The following PKP4 variants were observed in gnomAD, a reference collection of about 807,000 sequenced individuals.
PKP4 encodes plakophilin 4.
Under a neutral mutation model 145.1 loss-of-function variants are expected in PKP4, and 90 were observed. The ratio of observed to expected loss-of-function variants is 0.62; its 90% confidence interval spans 0.52 to 0.74. The LOEUF (loss-of-function observed/expected upper bound fraction) is 0.74. PKP4 is among the 30% of genes least tolerant of loss of function. PKP4 has a pLI of 0.00. For missense variants in PKP4, 1,340 were observed against 1,482.7 expected (o/e 0.90, Z 1.58); for synonymous variants, 563 against 577.2 (o/e 0.98, Z 0.35).
intron 1 of PKP4, among the ~76,000 whole-genome samples, chr2:158,494,396 A>G (rs1029360080): frequency 5.3e-5 from 8 of 152,218 alleles, no homozygotes; most frequent in Admixed American, 1.3e-4. Flanking sequence ...GTTATTTGCA[A>G]TGATATGAAT....
In PKP4 at chr2:158,666,483, T is replaced by C; in HGVS notation, c.2648T>C (p.Met883Thr). 6.2e-7 allele frequency: 1 copy of C among 1,613,568 alleles called. No individual in the cohort carries two copies. Among genetic ancestry groups the C allele is most frequent in the South Asian group, 1.1e-5 (1 of 90,924 alleles). The change falls in exon 16 of 22, where the codon ATG becomes ACG. Residue 883 changes from methionine (M) to threonine (T), a missense_variant. Transcript: ENST00000389759. Reference sequence around the variant, plus strand: ...CCCATCCTTGTGGAGCTTCTGAGAATGGATAACGATAGAGTTGTTTCTTCC... The same window carrying C: ...CCCATCCTTGTGGAGCTTCTGAGAACGGATAACGATAGAGTTGTTTCTTCC... ...GLPILVELLR[M>T]DNDRVVSSVA...
intron 2 of PKP4, among the ~76,000 whole-genome samples, chr2:158,551,771 A>G (rs1225543579): frequency 6.6e-6 from 1 of 152,386 alleles, no homozygotes; most frequent in South Asian, 2.1e-4. Context: ...TTCGTAAGTG[A>G]AAAAATCAAA....
intron 1 of PKP4, among the ~76,000 whole-genome samples, chr2:158,473,121 C>T (rs1260142180): frequency 6.6e-6 from 1 of 152,140 alleles, no homozygotes; most frequent in Non-Finnish European, 1.5e-5. Context: ...CCATTTCACA[C>T]CAGTCAGAAT....
chr2:158,669,687 TG>T, intron 16 of PKP4, 32 bp from the exon 17 acceptor site: 1 of 1,485,674 alleles, frequency 6.7e-7, no homozygotes, highest in Non-Finnish European at 9.0e-7. Context: ...TAGTACCTTC[TG>T]GAAGTAGAAT....
intron 1 of PKP4, among the ~76,000 whole-genome samples, chr2:158,503,262 G>A (rs1327394881): frequency 2.6e-5 from 4 of 152,208 alleles, no homozygotes; most frequent in Non-Finnish European, 4.4e-5. Flanking sequence ...CCAGTAATGC[G>A]TTATCTTTCA....
chr2:158,509,182 T>G (rs1404884513), intron 1 of PKP4, among the ~76,000 whole-genome samples: 1 of 152,178 alleles, frequency 6.6e-6, no homozygotes, highest in Non-Finnish European at 1.5e-5. Context: ...CACATATGAC[T>G]TAGATTCTGA....
At chr2:158,654,181 C>T (rs1324072788) in intron 11 of PKP4, among the ~76,000 whole-genome samples, 1 of 152,076 alleles carries the variant, frequency 6.6e-6, no homozygotes, top group African/African-American at 2.4e-5. Flanking sequence ...AAATCCATAC[C>T]GAAGGTTGCA....
chr2:158,615,552 A>G (rs1192941296), intron 4 of PKP4, among the ~76,000 whole-genome samples: 1 of 152,118 alleles, frequency 6.6e-6, no homozygotes, highest in Non-Finnish European at 1.5e-5. Flanking sequence ...ACTCATTTTT[A>G]TATGACTATT....
chr2:158,625,454 A>G (rs773342127), intron 7 of PKP4, 27 bp downstream of exon 7: 28 of 1,538,384 alleles, frequency 1.8e-5, no homozygotes, highest in Middle Eastern at 1.8e-4. Context: ...AGTGCTACAT[A>G]AAACCCAGTG....
At chr2:158,562,464 A>G (rs191753820) in intron 2 of PKP4, among the ~76,000 whole-genome samples, 2 of 152,342 alleles carry the variant, frequency 1.3e-5, no homozygotes, top group Admixed American at 6.5e-5. Flanking sequence ...CAGAAAGCAC[A>G]GTGGTGGTTG....
intron 1 of PKP4, among the ~76,000 whole-genome samples, chr2:158,516,195 A>C (rs932919378): frequency 6.6e-6 from 1 of 152,128 alleles, no homozygotes; most frequent in East Asian, 1.9e-4. Context: ...CTGTGTATAC[A>C]AAACACTGGG....
intron 2 of PKP4, among the ~76,000 whole-genome samples, chr2:158,570,945 A>G (rs1433616743): frequency 5.9e-5 from 9 of 152,190 alleles, no homozygotes; most frequent in Non-Finnish European, 1.0e-4. Context: ...AAAATGAAAC[A>G]TAGAGGATTC....
intron 1 of PKP4, among the ~76,000 whole-genome samples, chr2:158,478,624 G>C (rs1366450391): frequency 6.6e-6 from 1 of 152,148 alleles, no homozygotes; most frequent in African/African-American, 2.4e-5. Context: ...TTGTGATAAA[G>C]CACAAGCAAA....
Position 158,680,568 on chromosome 2 carries a change from C to CA in PKP4, c.3472dup (p.Thr1158AsnfsTer18). On this transcript the variant is annotated frameshift_variant, in exon 22 of 22. Coordinates refer to ENST00000389759, the MANE Select transcript of PKP4 (RefSeq NM_003628.6). LOFTEE classifies it high-confidence loss of function. Reference sequence around the variant, plus strand: ...CACTTTCCAGCTTCTACTGATTACTCAACACAGTATGGACTGAAATCGACC... The same window carrying CA: ...CACTTTCCAGCTTCTACTGATTACTCAAACACAGTATGGACTGAAATCGACC... The CA allele has an allele frequency of 6.2e-7, 1 of 1,614,000 alleles. No individual in the cohort carries two copies. Among genetic ancestry groups the CA allele is most frequent in the Non-Finnish European group, 8.5e-7 (1 of 1,179,886 alleles).
chr2:158,499,514 T>C (rs1310732010), intron 1 of PKP4, among the ~76,000 whole-genome samples: 1 of 152,188 alleles, frequency 6.6e-6, no homozygotes, highest in Non-Finnish European at 1.5e-5. Context: ...TTTTAACACA[T>C]GTCTGCATTT....
At chr2:158,534,692 A>AC (rs2043882028) in intron 2 of PKP4, among the ~76,000 whole-genome samples, 2 of 152,350 alleles carry the variant, frequency 1.3e-5, no homozygotes, top group South Asian at 4.1e-4. Flanking sequence ...CGTGCAGTAA[A>AC]CATAGCAATG....
chr2:158,516,208 T>C (rs1049392525), intron 1 of PKP4, among the ~76,000 whole-genome samples: 16 of 152,164 alleles, frequency 1.1e-4, no homozygotes, highest in African/African-American at 3.6e-4. Context: ...ACACTGGGGA[T>C]CTGACCCACA....
At chr2:158,678,431 C>G in intron 20 of PKP4, 150 bp from the exon 21 acceptor site, 1 of 654,696 alleles carries the variant, frequency 1.5e-6, no homozygotes. Context: ...TCCAGGGACC[C>G]TGAGCTGCTA....
intron 9 of PKP4, among the ~76,000 whole-genome samples, chr2:158,640,014 ACT>A (rs2054140097): frequency 6.6e-6 from 1 of 152,254 alleles, no homozygotes; most frequent in African/African-American, 2.4e-5. Context: ...AAAATTCCAA[ACT>A]CACACATGTG....
Sources: allele counts gnomAD v4.1 joint callset (sites outside exome capture counted in the v4.1 genomes callset), GRCh38; gene constraint gnomAD v4.1.1; transcripts MANE v1.5; gene names NCBI Gene and HGNC (gene_info 2026-07-23, HGNC 2026-07-21).